ROBO1: variants seen among roughly 807,000 people sequenced by gnomAD.
The protein encoded by ROBO1 is roundabout guidance receptor 1.
ROBO1 carries 149 observed loss-of-function variants against 195.9 expected under a neutral mutation model. The ratio of observed to expected loss-of-function variants is 0.76; its 90% CI spans 0.67 to 0.87. The LOEUF is 0.87. Ranked by LOEUF, ROBO1 falls within the 40% of genes least tolerant of loss-of-function variation. The pLI is 0.00. For synonymous variants in ROBO1, 816 were observed against 733.2 expected (o/e 1.11, Z -1.82); for missense variants, 1,933 against 2,068.3 (o/e 0.93, Z 1.27).
chr3:78,823,401 C>G (rs986502667), intron 4 of ROBO1, among the ~76,000 whole-genome samples: 4 of 152,132 alleles, frequency 2.6e-5, no homozygotes, highest in Non-Finnish European at 1.5e-5. Context: ...TCCTATTTCT[C>G]TAATAACAAG....
chr3:79,081,540 T>G (rs1389819203), intron 3 of ROBO1, among the ~76,000 whole-genome samples: 1 of 152,140 alleles, frequency 6.6e-6, no homozygotes, highest in Admixed American at 6.6e-5. Flanking sequence ...GCCCTGGGGA[T>G]TCTAACAGTT....
chr3:78,983,330 C>A (rs1457174212), intron 3 of ROBO1, among the ~76,000 whole-genome samples: 1 of 152,230 alleles, frequency 6.6e-6, no homozygotes, highest in African/African-American at 2.4e-5. Flanking sequence ...ATACACACAT[C>A]TACAGGCTAA....
At chr3:79,536,790 A>G (rs1461187866) in intron 2 of ROBO1, among the ~76,000 whole-genome samples, 4 of 152,318 alleles carry the variant, frequency 2.6e-5, no homozygotes, top group East Asian at 1.9e-4. Flanking sequence ...AAAGTATAGG[A>G]CATAAGGTCA....
chr3:79,243,599 T>G lies in ROBO1; in HGVS notation c.89-118060A>C, dbSNP rs1183489606. Reference sequence around the variant, plus strand: ...CTGATGGCCAGTGATGATGAGCATTTTTTCATGTGTCTTTTGGCTGCATAA... The same window carrying G: ...CTGATGGCCAGTGATGATGAGCATTGTTTCATGTGTCTTTTGGCTGCATAA... On this transcript the variant is annotated intron_variant, in intron 2 of 30. Transcript: ENST00000464233. Among the ~76,000 whole-genome samples, 9 of 152,260 alleles carry G rather than the reference T, an allele frequency of 5.9e-5. No individual in the cohort carries two copies. The East Asian group carries it at 1.7e-3, about 29-fold the overall frequency.
chr3:79,310,552 T>C (rs1435314239), intron 2 of ROBO1, among the ~76,000 whole-genome samples: 1 of 152,186 alleles, frequency 6.6e-6, no homozygotes, highest in Non-Finnish European at 1.5e-5. Flanking sequence ...AGATGATTTA[T>C]TCATTCCTTA....
chr3:78,613,618 G>A (rs1703940830), intron 28 of ROBO1, among the ~76,000 whole-genome samples: 1 of 152,154 alleles, frequency 6.6e-6, no homozygotes, highest in South Asian at 2.1e-4. Flanking sequence ...TCAGAATAAA[G>A]TATAGATAAT....
chr3:79,137,742 A>T lies in ROBO1; in HGVS notation c.89-12203T>A, dbSNP rs143991158. On this transcript the variant is annotated intron_variant, in intron 2 of 30. Coordinates refer to ENST00000464233, the MANE Select transcript of ROBO1 (RefSeq NM_002941.4). The stretch of plus-strand genomic sequence containing the variant: ...ACAGTGGATCTGAAATTTGATTCCA[A>T]ATTATTTCTGACTCCAAAGCACTCC... Among the ~76,000 whole-genome samples the T allele has an allele frequency of 4.0e-3, 607 of 152,134 alleles. 4 individuals are homozygous for T. Among genetic ancestry groups the T allele is most frequent in the African/African-American group, 0.014 (572 of 41,548 alleles).
intron 4 of ROBO1, among the ~76,000 whole-genome samples, chr3:78,788,003 G>A (rs1476390617): frequency 2.3e-5 from 3 of 131,350 alleles, no homozygotes; most frequent in South Asian, 2.6e-4. Context: ...GCAGGGGCAC[G>A]ATCTCGGCTC....
At chr3:79,512,717 C>T (rs1165744559) in intron 2 of ROBO1, 2 of 151,882 alleles carry the variant, frequency 1.3e-5, no homozygotes, top group Non-Finnish European at 2.9e-5. Context: ...GGAACAGAAA[C>T]AAAAGATTGA....
At chr3:78,688,911 T>A in intron 8 of ROBO1, 139 bp from the exon 9 acceptor site, 1 of 813,184 alleles carries the variant, frequency 1.2e-6, no homozygotes, top group Non-Finnish European at 1.7e-6. Flanking sequence ...CCAATTCTTG[T>A]CCTTAATTTG....
Position 78,635,807 on chromosome 3 carries a change from C to T in ROBO1, c.3339G>A (p.Gln1113=), listed in dbSNP as rs780392015. 6.2e-7 allele frequency: 1 copy of T among 1,613,834 alleles called. No homozygotes were observed. The highest frequency in any genetic ancestry group is 1.3e-5 in the African/African-American group (1 of 75,036). ...GQQKQEVAPV[Q]YNIVEQNKLN... Reference sequence around the variant, plus strand: ...GCTTGTTTTGCTCCACGATGTTGTACTGAACTGGTGCCACTTCTTGTTTCT... The same window carrying T: ...GCTTGTTTTGCTCCACGATGTTGTATTGAACTGGTGCCACTTCTTGTTTCT... The change falls in exon 23 of 31, where the codon CAG becomes CAA. Residue 1113 remains glutamine (Q), a synonymous_variant. Coordinates refer to ENST00000464233, the MANE Select transcript of ROBO1 (RefSeq NM_002941.4).
chr3:78,772,935 C>G (rs1460271265), intron 4 of ROBO1, among the ~76,000 whole-genome samples: 2 of 152,030 alleles, frequency 1.3e-5, no homozygotes, highest in Non-Finnish European at 2.9e-5. Context: ...CAGTTTTAAC[C>G]ACTGAGCTGT....
chr3:79,179,390 T>C (rs1196445137), intron 2 of ROBO1, among the ~76,000 whole-genome samples: 1 of 152,244 alleles, frequency 6.6e-6, no homozygotes, highest in Admixed American at 6.5e-5. Context: ...AATAAATAGT[T>C]CTGTGATTTA....
intron 2 of ROBO1, among the ~76,000 whole-genome samples, chr3:79,128,374 G>C (rs2080257413): frequency 6.6e-6 from 1 of 152,080 alleles, no homozygotes; most frequent in Admixed American, 6.6e-5. Flanking sequence ...TATTCTGTCT[G>C]CTTCTCATTT....
At chr3:79,000,932 T>C (rs1403445606) in intron 3 of ROBO1, among the ~76,000 whole-genome samples, 2 of 152,170 alleles carry the variant, frequency 1.3e-5, no homozygotes, top group African/African-American at 2.4e-5. Context: ...CATGGAATAC[T>C]ATGCAGCCAT....
rs571438842 is a variant in ROBO1, at chr3:79,510,449, C to T, written c.88+79375G>A. ...TCCCCATTCTCTGGCATTTCTTCATCGCACCATGAGAATGGACTAATATAT... is the reference window on the plus strand; with the variant it reads ...TCCCCATTCTCTGGCATTTCTTCATTGCACCATGAGAATGGACTAATATAT... On this transcript the variant is annotated intron_variant, in intron 2 of 30. Transcript: ENST00000464233. Among the ~76,000 whole-genome samples the T allele has an allele frequency of 8.5e-5, 13 of 152,248 alleles. No individual in the cohort carries two copies. In the South Asian group the frequency reaches 1.9e-3, roughly 22 times the overall value.
At chr3:79,197,308 G>T (rs1208360267) in intron 2 of ROBO1, among the ~76,000 whole-genome samples, 2 of 151,872 alleles carry the variant, frequency 1.3e-5, no homozygotes, top group Non-Finnish European at 2.9e-5. Context: ...CTGTCCTTGT[G>T]ATAATTTGCT....
At chr3:79,042,021 C>T (rs2078496049) in intron 3 of ROBO1, among the ~76,000 whole-genome samples, 1 of 152,190 alleles carries the variant, frequency 6.6e-6, no homozygotes, top group Admixed American at 6.5e-5. Context: ...AGGGAGGCAA[C>T]ATTCAGAGCA....
At chr3:78,695,697 TA>T (rs2081274176) in intron 8 of ROBO1, among the ~76,000 whole-genome samples, 1 of 151,316 alleles carries the variant, frequency 6.6e-6, no homozygotes. Flanking sequence ...AAAAGTTATC[TA>T]AGAACATCAG....
Sources: allele counts gnomAD v4.1 joint callset (sites outside exome capture counted in the v4.1 genomes callset), GRCh38; gene constraint gnomAD v4.1.1; transcripts MANE v1.5; gene names NCBI Gene and HGNC (gene_info 2026-07-23, HGNC 2026-07-21).